The following GPATCH2L variants were observed in gnomAD, a reference collection of about 807,000 sequenced individuals.
GPATCH2L encodes G-patch domain containing 2 like.
GPATCH2L carries 31 observed loss-of-function variants against 57.4 expected under a neutral mutation model. The observed-to-expected ratio is 0.54, with a 90% CI of 0.41 to 0.73. The LOEUF is 0.73. GPATCH2L is among the 30% of genes least tolerant of loss of function. The pLI is 0.00. For synonymous variants in GPATCH2L, 199 were observed against 210.7 expected (o/e 0.94, Z 0.48); for missense variants, 481 against 599.9 (o/e 0.80, Z 2.07).
chr14:76,193,933 G>T (rs2040065486), intron 8 of GPATCH2L, among the ~76,000 whole-genome samples: 1 of 152,182 alleles, frequency 6.6e-6, no homozygotes. Context: ...GATAGTCTCA[G>T]TTTGGGTATG....
intron 8 of GPATCH2L, among the ~76,000 whole-genome samples, chr14:76,189,029 T>C (rs571736842): frequency 6.6e-6 from 1 of 152,282 alleles, no homozygotes; most frequent in African/African-American, 2.4e-5. Flanking sequence ...TGTGGATTTG[T>C]TTCTGGGTTC....
Position 76,208,972 on chromosome 14 carries a change from G to T in GPATCH2L, c.*7121G>T, listed in dbSNP as rs80012844. On this transcript the variant is annotated 3_prime_UTR_variant, in exon 10 of 10. Coordinates refer to ENST00000261530, the MANE Select transcript of GPATCH2L (RefSeq NM_017926.4). Reference sequence around the variant, plus strand: ...GTTTCAGTCTTTAAAAAGAAATGTAGCTGAGGCTGAGAACCACCACTCTAA... The same window carrying T: ...GTTTCAGTCTTTAAAAAGAAATGTATCTGAGGCTGAGAACCACCACTCTAA... The T allele has an allele frequency of 0.027, 4,160 of 152,266 alleles. 75 individuals carry two copies. Among genetic ancestry groups the T allele is most frequent in the Middle Eastern group, 0.051 (15 of 292 alleles). The allele number at this position is 152,266 out of a possible 1,614,324, so 9.4% of individuals were successfully genotyped here. A position where few individuals can be genotyped will look rare whatever the true frequency, so the allele number is the denominator to read the frequency against.
chr14:76,155,053 TTTTCCTGG>T (rs758131273), intron 2 of GPATCH2L, 28 bp downstream of exon 2: 74 of 1,571,284 alleles, frequency 4.7e-5, no homozygotes, highest in African/African-American at 8.1e-5. Context: ...AAGTCAAAGA[TTTTCCTGG>T]TTAATTTTTC....
chr14:76,225,646 A>T, intron 1 of GPATCH2L, among the ~76,000 whole-genome samples: 1 of 152,196 alleles, frequency 6.6e-6, no homozygotes, highest in East Asian at 1.9e-4. Context: ...TGTTCTATTT[A>T]TCAAAAGACC....
rs560005554 is a variant in GPATCH2L, at chr14:76,228,363, G to A, written c.66-1445G>A. ...TGTGTGTGTGTGCGTGCGCGCGCGT[G>A]TGTGTGTACACAAAGAAAGAGGTTG... On this transcript the variant is annotated intron_variant and NMD_transcript_variant, in intron 1 of 3. Coordinates refer to the GPATCH2L transcript ENST00000556372. Among the ~76,000 whole-genome samples the A allele has an allele frequency of 1.6e-4, 25 of 152,292 alleles. No individual in the cohort carries two copies. In the East Asian group the frequency reaches 3.3e-3, roughly 20 times the overall value.
intron 7 of GPATCH2L, chr14:76,179,795 C>G (rs2039486079): frequency 6.6e-6 from 1 of 152,122 alleles, no homozygotes; most frequent in Admixed American, 6.5e-5. Context: ...ATCCTCACAG[C>G]CACCTTTTGA....
At position 76,213,852 on chromosome 14, in the gene GPATCH2L, T is replaced by C. The variant is rs141341940; in HGVS notation, c.*12001T>C. On this transcript the variant is annotated 3_prime_UTR_variant, in exon 10 of 10. Coordinates refer to ENST00000261530, the MANE Select transcript of GPATCH2L (RefSeq NM_017926.4). ...ACAATCCTATTAACTACATACTTTATTTGAATTGTAGCTGTTTTCCCAGTA... is the reference window on the plus strand; with the variant it reads ...ACAATCCTATTAACTACATACTTTACTTGAATTGTAGCTGTTTTCCCAGTA... 9.8e-4 allele frequency: 149 copies of C among 152,314 alleles called. No individual in the cohort carries two copies. The highest frequency in any genetic ancestry group is 3.4e-3 in the African/African-American group (143 of 41,580). 9.4% of individuals were successfully genotyped at this position (152,314 alleles called of 1,614,324 possible). A position where few individuals can be genotyped will look rare whatever the true frequency, so the allele number is the denominator to read the frequency against.
chr14:76,171,604 A>G (rs1007180852), intron 3 of GPATCH2L, among the ~76,000 whole-genome samples: 3 of 151,952 alleles, frequency 2.0e-5, no homozygotes, highest in Admixed American at 2.0e-4. Context: ...AAAAATAGCC[A>G]GGCATAGTGG....
chr14:76,190,382 A>T (rs1373963836), intron 8 of GPATCH2L, among the ~76,000 whole-genome samples: 2 of 152,000 alleles, frequency 1.3e-5, no homozygotes, highest in African/African-American at 2.4e-5. Flanking sequence ...AAAAATAAAA[A>T]TTTTTTGCTT....
chr14:76,227,223 T>C (rs1359335767), intron 1 of GPATCH2L, among the ~76,000 whole-genome samples: 1 of 152,216 alleles, frequency 6.6e-6, no homozygotes, highest in African/African-American at 2.4e-5. Context: ...CAGCATCAGA[T>C]ACACTGGGAT....
At position 76,154,459 on chromosome 14, in the gene GPATCH2L, C is replaced by T. The variant is rs1001538159; in HGVS notation, c.96C>T (p.Pro32=). 1.2e-6 allele frequency: 2 copies of T among 1,614,020 alleles called. No individual in the cohort carries two copies. The highest frequency in any genetic ancestry group is 2.7e-5 in the African/African-American group (2 of 74,934). Residue 32 remains proline (P), a synonymous_variant, in exon 2 of 10, where the codon CCC becomes CCT. Coordinates refer to ENST00000261530, the MANE Select transcript of GPATCH2L (RefSeq NM_017926.4). This position sits in a 1 kb window ranked among gnomAD's most constrained non-coding sequence, Gnocchi z 4.4. Reference sequence around the variant, plus strand: ...TGTGGGAGGAGATGGCGCTGAGCCCCCGACAGCAGAGGCGGCAGCTTCGGA... The same window carrying T: ...TGTGGGAGGAGATGGCGCTGAGCCCTCGACAGCAGAGGCGGCAGCTTCGGA... ...GELWEEMALS[P]RQQRRQLRKR...
chr14:76,187,370 ATCCAGCATAGTATGT>A (rs1431640064), intron 8 of GPATCH2L, among the ~76,000 whole-genome samples: 1 of 152,038 alleles, frequency 6.6e-6, no homozygotes, highest in Non-Finnish European at 1.5e-5. Context: ...CCCTCTGCAC[ATCCAGCATAGTATGT>A]TACATTGGGT....
intron 2 of GPATCH2L, among the ~76,000 whole-genome samples, chr14:76,231,980 T>G (rs2040568289): frequency 6.6e-6 from 1 of 152,070 alleles, no homozygotes; most frequent in Admixed American, 6.5e-5. Flanking sequence ...GCAGCCTCAC[T>G]GCAGCCTCAC....
chr14:76,184,837 A>G (rs1221354332), intron 8 of GPATCH2L, among the ~76,000 whole-genome samples: 2 of 152,204 alleles, frequency 1.3e-5, no homozygotes, highest in Admixed American at 1.3e-4. Context: ...TTGGTCTGGG[A>G]TAAGGCCTAG....
chr14:76,152,600 G>T (rs772178108), intron 1 of GPATCH2L: 1 of 451,488 alleles, frequency 2.2e-6, no homozygotes, highest in Non-Finnish European at 4.5e-6. Flanking sequence ...TGGCCGCCGG[G>T]TCCTCTCGAG....
intron 1 of GPATCH2L, among the ~76,000 whole-genome samples, chr14:76,222,969 AAAG>A (rs2040522268): frequency 6.6e-6 from 1 of 151,454 alleles, no homozygotes; most frequent in Non-Finnish European, 1.5e-5. Context: ...AAAAAAAAAA[AAAG>A]AAAGAAAAAA....
intron 2 of GPATCH2L, among the ~76,000 whole-genome samples, chr14:76,166,382 T>C (rs1400689225): frequency 6.6e-6 from 1 of 152,248 alleles, no homozygotes; most frequent in African/African-American, 2.4e-5. Context: ...AGGTTGAGAT[T>C]ACGTCTTTGA....
At chr14:76,192,048 TC>T (rs1432186941) in intron 8 of GPATCH2L, among the ~76,000 whole-genome samples, 1 of 152,068 alleles carries the variant, frequency 6.6e-6, no homozygotes, top group Non-Finnish European at 1.5e-5. Flanking sequence ...AACTTTCTGT[TC>T]CTGGCTTGTT....
At chr14:76,187,138 A>G (rs534988617) in intron 8 of GPATCH2L, among the ~76,000 whole-genome samples, 1 of 152,138 alleles carries the variant, frequency 6.6e-6, no homozygotes, top group Non-Finnish European at 1.5e-5. Context: ...AAATGTCAGT[A>G]AACCTTAAAG....
Sources: allele counts gnomAD v4.1 joint callset (sites outside exome capture counted in the v4.1 genomes callset), GRCh38; gene constraint gnomAD v4.1.1; non-coding constraint Gnocchi (gnomAD v3.1); transcripts MANE v1.5; gene names NCBI Gene and HGNC (gene_info 2026-07-23, HGNC 2026-07-21).